Variants in EEPD1 observed in about 807,000 individuals in gnomAD.
EEPD1 encodes the protein endonuclease/exonuclease/phosphatase family domain-containing protein 1.
EEPD1 carries 17 observed loss-of-function variants against 46.3 expected under a neutral mutation model. The observed-to-expected ratio is 0.37, with a 90% CI of 0.25 to 0.55. The LOEUF is 0.55. Ranked by LOEUF, EEPD1 falls within the 20% of genes least tolerant of loss-of-function variation. EEPD1 has a pLI of 0.83. For missense variants in EEPD1, 673 were observed against 745.6 expected (o/e 0.90, Z 1.13); for synonymous variants, 313 against 315.6 (o/e 0.99, Z 0.09).
intron 5 of EEPD1, among the ~76,000 whole-genome samples, chr7:36,286,821 C>T (rs1787348456): frequency 6.6e-6 from 1 of 152,178 alleles, no homozygotes; most frequent in Admixed American, 6.5e-5. Flanking sequence ...TAACAACCAG[C>T]TGTCAGAGTC....
At chr7:36,191,110 G>A (rs1188069008) in intron 2 of EEPD1, among the ~76,000 whole-genome samples, 1 of 152,238 alleles carries the variant, frequency 6.6e-6, no homozygotes, top group Non-Finnish European at 1.5e-5. Flanking sequence ...TGACCACACT[G>A]GTATCAGGTC....
intron 6 of EEPD1, among the ~76,000 whole-genome samples, chr7:36,289,505 ATT>A (rs1190998454): frequency 3.9e-5 from 6 of 152,174 alleles, no homozygotes; most frequent in African/African-American, 7.2e-5. Flanking sequence ...ATGTGTCAGA[ATT>A]TCCTCACTTT....
intron 2 of EEPD1, among the ~76,000 whole-genome samples, chr7:36,218,447 G>A (rs1199261637): frequency 6.6e-6 from 1 of 152,000 alleles, no homozygotes; most frequent in Non-Finnish European, 1.5e-5. Flanking sequence ...ATGTGAATGT[G>A]GTCTCTCTCT....
chr7:36,251,665 C>T (rs952681347), intron 3 of EEPD1, among the ~76,000 whole-genome samples: 2 of 152,134 alleles, frequency 1.3e-5, no homozygotes, highest in Non-Finnish European at 2.9e-5. Context: ...CAACCTTCAT[C>T]CCTCCTCGAC....
At chr7:36,231,401 T>C (rs901025568) in intron 2 of EEPD1, among the ~76,000 whole-genome samples, 4 of 152,186 alleles carry the variant, frequency 2.6e-5, no homozygotes, top group Non-Finnish European at 4.4e-5. Context: ...CTTCTCAAAG[T>C]AGGGTACAGA....
chr7:36,261,722 G>A (rs1460360686), intron 3 of EEPD1, among the ~76,000 whole-genome samples: 36 of 152,316 alleles, frequency 2.4e-4, no homozygotes, highest in Non-Finnish European at 1.2e-4. Context: ...GGGCAGGCAG[G>A]TGAAACTGTT....
At position 36,219,263 on chromosome 7, in the gene EEPD1, A is replaced by T. The variant is rs146854175; in HGVS notation, c.879-19722A>T. 9.8e-3 allele frequency among the ~76,000 whole-genome samples: 1,484 copies of T among 152,034 alleles called. 18 individuals carry two copies. Among genetic ancestry groups the T allele is most frequent in the African/African-American group, 0.034 (1,398 of 41,434 alleles). Reference sequence around the variant, plus strand: ...CTTTCTTGTAGATTTAAAAAATTCAAAATTTAAACGTTAGGAACAAAAGAG... The same window carrying T: ...CTTTCTTGTAGATTTAAAAAATTCATAATTTAAACGTTAGGAACAAAAGAG... On this transcript the variant is annotated intron_variant, in intron 2 of 7. Transcript: ENST00000242108.
At chr7:36,264,375 T>C (rs540135358) in intron 3 of EEPD1, among the ~76,000 whole-genome samples, 33 of 152,334 alleles carry the variant, frequency 2.2e-4, no homozygotes, top group African/African-American at 7.2e-4. Context: ...ACTTAACTAC[T>C]TCAGCCCTGC....
At chr7:36,161,876 A>AG (rs1784904779) in intron 2 of EEPD1, among the ~76,000 whole-genome samples, 1 of 146,178 alleles carries the variant, frequency 6.8e-6, no homozygotes, top group African/African-American at 2.6e-5. Flanking sequence ...CCTCAGTGAC[A>AG]GAGTGAGACC....
In EEPD1 at chr7:36,248,381, A is replaced by G. The variant is rs145922420; in HGVS notation, c.930+9345A>G. Among the ~76,000 whole-genome samples the G allele has an allele frequency of 2.1e-4, 32 of 151,228 alleles. No individual in the cohort carries two copies. In the East Asian group the frequency reaches 6.3e-3, roughly 30 times the overall value. ...CCACCACACCCAGCTAATTTTTTCT[A>G]TTTTTAGTAGAGAGTTGGTTTCACT... On this transcript the variant is annotated intron_variant, in intron 3 of 7. Transcript: ENST00000242108.
chr7:36,199,760 C>G (rs1392820921), intron 2 of EEPD1, among the ~76,000 whole-genome samples: 1 of 152,124 alleles, frequency 6.6e-6, no homozygotes, highest in African/African-American at 2.4e-5. Flanking sequence ...TATGGTGGTT[C>G]CCAACAGTGA....
At chr7:36,227,718 T>G (rs1456392601) in intron 2 of EEPD1, among the ~76,000 whole-genome samples, 1 of 152,102 alleles carries the variant, frequency 6.6e-6, no homozygotes, top group Admixed American at 6.5e-5. Context: ...GACGGGAGTT[T>G]TGCTCTTGTT....
chr7:36,219,502 AGAAG>A (rs1034971212), intron 2 of EEPD1, among the ~76,000 whole-genome samples: 4 of 149,448 alleles, frequency 2.7e-5, no homozygotes, highest in South Asian at 2.2e-4. Context: ...CCTATTTCAA[AGAAG>A]GAAGGAAGGA....
At chr7:36,156,944 A>G (rs954222457) in intron 2 of EEPD1, among the ~76,000 whole-genome samples, 1 of 151,894 alleles carries the variant, frequency 6.6e-6, no homozygotes, top group Non-Finnish European at 1.5e-5. Flanking sequence ...TTCCACATCC[A>G]TGGATTCAAC....
At chr7:36,173,698 AC>A (rs1449351892) in intron 2 of EEPD1, among the ~76,000 whole-genome samples, 3 of 152,146 alleles carry the variant, frequency 2.0e-5, no homozygotes, top group Non-Finnish European at 4.4e-5. Context: ...GTGAAAATCA[AC>A]CAATACAGTC....
chr7:36,254,562 A>G (rs542362948), intron 3 of EEPD1, among the ~76,000 whole-genome samples: 1 of 152,032 alleles, frequency 6.6e-6, no homozygotes, highest in East Asian at 1.9e-4. Flanking sequence ...AGTCTTTGTT[A>G]TTGTGAATAG....
chr7:36,294,625 A>T (rs560936138), intron 6 of EEPD1, among the ~76,000 whole-genome samples: 318 of 151,936 alleles, frequency 2.1e-3, no homozygotes, highest in Middle Eastern at 6.8e-3. Context: ...TTTAAAAAAA[A>T]TTTTTTTTTA....
chr7:36,256,800 T>A (rs538611032), intron 3 of EEPD1, among the ~76,000 whole-genome samples: 7 of 152,378 alleles, frequency 4.6e-5, no homozygotes, highest in Admixed American at 2.0e-4. Flanking sequence ...TGTCTTTTAA[T>A]TGGGACATTT....
chr7:36,183,636 A>C, intron 2 of EEPD1, among the ~76,000 whole-genome samples: 1 of 152,162 alleles, frequency 6.6e-6, no homozygotes, highest in Non-Finnish European at 1.5e-5. Flanking sequence ...CTTAAAACAC[A>C]GATTTGTATT....
Sources: gnomAD v4.1 joint callset for allele counts (sites outside exome capture counted in the v4.1 genomes callset) on GRCh38, gnomAD v4.1.1 for gene constraint, MANE v1.5 for transcripts, NCBI Gene and HGNC (gene_info 2026-07-23, HGNC 2026-07-21) for gene names.